ANXA3: variants seen among roughly 807,000 people sequenced by gnomAD.
The protein encoded by ANXA3 is 35-alpha calcimedin.
Under a neutral mutation model 48.8 loss-of-function variants are expected in ANXA3, and 46 were observed. The observed-to-expected ratio is 0.94, with a 90% CI of 0.74 to 1.21. The LOEUF is 1.21. ANXA3 is among the 50% of genes most tolerant of loss of function. The pLI, the probability that ANXA3 is intolerant of heterozygous loss-of-function variation, is 0.00. For synonymous variants in ANXA3, 128 were observed against 134.7 expected (o/e 0.95, Z 0.35); for missense variants, 383 against 378.6 (o/e 1.01, Z -0.10).
At position 78,575,505 on chromosome 4, in the gene ANXA3, T is replaced by C. The variant is rs1218868031; in HGVS notation, c.103+2238T>C. 2.0e-5 allele frequency among the ~76,000 whole-genome samples: 3 copies of C among 152,182 alleles called. No homozygotes were observed. In the East Asian group the frequency reaches 5.8e-4, roughly 29 times the overall value. ...TCTGATGGCTTTATAAGGTGGAGTT[T>C]CCCTGCACAAGCTCTCTCCTTGCCT... On this transcript the variant is annotated intron_variant, in intron 3 of 12. Transcript: ENST00000264908.
intron 9 of ANXA3, among the ~76,000 whole-genome samples, chr4:78,596,572 G>A (rs1723428920): frequency 6.6e-6 from 1 of 152,162 alleles, no homozygotes; most frequent in Non-Finnish European, 1.5e-5. Context: ...TAAACATAAG[G>A]ATATTACTGT....
At chr4:78,608,184 G>A (rs1723690922) in intron 12 of ANXA3, among the ~76,000 whole-genome samples, 2 of 152,180 alleles carry the variant, frequency 1.3e-5, no homozygotes, top group African/African-American at 4.8e-5. Context: ...TATGTTAAAT[G>A]TAAAGGAAAG....
chr4:78,572,969 G>A, intron 2 of ANXA3: 1 of 655,378 alleles, frequency 1.5e-6, no homozygotes, highest in Non-Finnish European at 2.8e-6. Context: ...GCCAGCCTGT[G>A]AGGCTAGAAG....
chr4:78,602,298 A>G (rs561379332), intron 11 of ANXA3: 6 of 152,122 alleles, frequency 3.9e-5, no homozygotes, highest in Non-Finnish European at 7.4e-5. Flanking sequence ...TGTTGATAGA[A>G]TGTCATATTT....
chr4:78,601,727 C>CT (rs1723547156), intron 11 of ANXA3, 159 bp downstream of exon 11: 1 of 550,758 alleles, frequency 1.8e-6, no homozygotes, highest in Non-Finnish European at 3.2e-6. Flanking sequence ...ATACAATACA[C>CT]TCTTTACACA....
chr4:78,600,942 T>C (rs1723521894), intron 10 of ANXA3, among the ~76,000 whole-genome samples: 1 of 152,252 alleles, frequency 6.6e-6, no homozygotes. Flanking sequence ...TTGTATTTTT[T>C]TTTTAAGGCA....
chr4:78,569,564 G>A (rs543037195), intron 2 of ANXA3, among the ~76,000 whole-genome samples: 2 of 152,310 alleles, frequency 1.3e-5, no homozygotes, highest in East Asian at 1.9e-4. Context: ...AGCTAAGAAG[G>A]AAATAAAGCA....
chr4:78,577,137 C>G (rs535897627), intron 3 of ANXA3, among the ~76,000 whole-genome samples: 1 of 152,186 alleles, frequency 6.6e-6, no homozygotes, highest in African/African-American at 2.4e-5. Context: ...TTTACTTAGG[C>G]AGTAGTTTAC....
At chr4:78,607,371 C>T (rs113633506) in intron 12 of ANXA3, among the ~76,000 whole-genome samples, 2 of 151,502 alleles carry the variant, frequency 1.3e-5, no homozygotes, top group African/African-American at 4.8e-5. Context: ...TGTCATCCTG[C>T]CTGTTTTCTT....
In ANXA3 at chr4:78,610,168, CT is replaced by C; in HGVS notation, c.*55del. ...CGATGGGCTTTCCCAACAGCTCCAC[CT>C]TACTTCTTCTCATACTATTTAAGAG... On this transcript the variant is annotated 3_prime_UTR_variant, in exon 13 of 13. Transcript: ENST00000264908. The C allele has an allele frequency of 7.8e-7, 1 of 1,281,016 alleles. No homozygotes were observed. The highest frequency in any genetic ancestry group is 1.1e-6 in the Non-Finnish European group (1 of 892,330). The allele number at this position is 1,281,016 out of a possible 1,614,324, so 79.4% of individuals were successfully genotyped here.
intron 5 of ANXA3, among the ~76,000 whole-genome samples, chr4:78,582,935 C>T (rs559982705): frequency 1.3e-5 from 2 of 152,238 alleles, no homozygotes; most frequent in East Asian, 3.9e-4. Flanking sequence ...CTTTCATCAC[C>T]CAACATAGTG....
chr4:78,595,212 C>A lies in ANXA3; in HGVS notation c.484-169C>A, dbSNP rs61393286. Reference sequence around the variant, plus strand: ...AAATTGTGTGATTTGCTAAAAATTTCATGACTAGTCAATGGCAGAACCAGA... The same window carrying A: ...AAATTGTGTGATTTGCTAAAAATTTAATGACTAGTCAATGGCAGAACCAGA... On this transcript the variant is annotated intron_variant, in intron 7 of 12. Coordinates refer to ENST00000264908, the MANE Select transcript of ANXA3 (RefSeq NM_005139.3). Among the ~76,000 whole-genome samples the A allele has an allele frequency of 8.8e-3, 1,337 of 152,268 alleles. 19 individuals are homozygous for A. The highest frequency in any genetic ancestry group is 0.031 in the African/African-American group (1,277 of 41,542).
intron 2 of ANXA3, among the ~76,000 whole-genome samples, chr4:78,563,130 A>G (rs536165886): frequency 2.5e-4 from 38 of 152,334 alleles, no homozygotes; most frequent in African/African-American, 8.9e-4. Flanking sequence ...ATTTGCTGCA[A>G]CTTCTTGTTG....
chr4:78,609,429 A>G (rs1723711993), intron 12 of ANXA3, among the ~76,000 whole-genome samples: 1 of 152,212 alleles, frequency 6.6e-6, no homozygotes, highest in South Asian at 2.1e-4. Context: ...TTTCTGGACA[A>G]CAGTCTATTT....
intron 5 of ANXA3, among the ~76,000 whole-genome samples, chr4:78,582,595 T>C (rs1560446156): frequency 6.6e-6 from 1 of 152,182 alleles, no homozygotes; most frequent in Non-Finnish European, 1.5e-5. Context: ...CCTAGCATTA[T>C]CCTTGAGCCC....
chr4:78,595,538 T>C, intron 8 of ANXA3, 101 bp downstream of exon 8: 1 of 1,312,248 alleles, frequency 7.6e-7, no homozygotes, highest in Non-Finnish European at 1.1e-6. Context: ...ACAGGGACTT[T>C]TCTTTTTTTT....
At chr4:78,592,003 T>C (rs999579334) in intron 7 of ANXA3, among the ~76,000 whole-genome samples, 1 of 152,214 alleles carries the variant, frequency 6.6e-6, no homozygotes, top group African/African-American at 2.4e-5. Flanking sequence ...ATATTTCTTT[T>C]GTTAGCTTCT....
intron 2 of ANXA3, among the ~76,000 whole-genome samples, chr4:78,560,964 A>G (rs947834708): frequency 6.6e-6 from 1 of 152,240 alleles, no homozygotes; most frequent in Non-Finnish European, 1.5e-5. Context: ...ATAAAGTTAT[A>G]TTAATACCAA....
chr4:78,594,275 T>C (rs544622902), intron 7 of ANXA3, among the ~76,000 whole-genome samples: 3 of 150,746 alleles, frequency 2.0e-5, no homozygotes, highest in Non-Finnish European at 4.4e-5. Flanking sequence ...GTATAGAATA[T>C]TTATTTTACC....
Sources: gnomAD v4.1 joint callset for allele counts (sites outside exome capture counted in the v4.1 genomes callset) on GRCh38, gnomAD v4.1.1 for gene constraint, MANE v1.5 for transcripts, NCBI Gene and HGNC (gene_info 2026-07-23, HGNC 2026-07-21) for gene names.